The following ESR1 variants were observed in gnomAD, a reference collection of about 807,000 sequenced individuals.
ESR1 encodes the protein estrogen receptor 1.
ESR1 carries 12 observed loss-of-function variants against 52.7 expected under a neutral mutation model. The ratio of observed to expected loss-of-function variants is 0.23; its 90% CI spans 0.15 to 0.37. The LOEUF is 0.37. Among genes scored for constraint, ESR1 ranks in the 10% least tolerant of loss-of-function variants. The pLI, the probability that ESR1 is intolerant of heterozygous loss-of-function variation, is 1.00. For synonymous variants in ESR1, 305 were observed against 316.8 expected (o/e 0.96, Z 0.39); for missense variants, 584 against 779.7 (o/e 0.75, Z 2.99).
intron 1 of ESR1, among the ~76,000 whole-genome samples, chr6:151,830,030 A>G (rs1273631663): frequency 6.6e-6 from 1 of 152,234 alleles, no homozygotes; most frequent in Non-Finnish European, 1.5e-5. Context: ...ATGTGATGAC[A>G]TATTGGTCCT....
At chr6:151,776,221 A>T (rs943457490) in intron 2 of ESR1, among the ~76,000 whole-genome samples, 1 of 152,176 alleles carries the variant, frequency 6.6e-6, no homozygotes, top group Non-Finnish European at 1.5e-5. Flanking sequence ...GACTGGGGAC[A>T]TAGTGCCTGG....
chr6:151,810,026 G>A (rs990209417), intron 1 of ESR1, among the ~76,000 whole-genome samples: 2 of 152,046 alleles, frequency 1.3e-5, no homozygotes, highest in Non-Finnish European at 2.9e-5. Context: ...TTAATTTTCA[G>A]TTCTTTTATT....
intron 2 of ESR1, among the ~76,000 whole-genome samples, chr6:151,747,311 T>A (rs966698674): frequency 1.3e-5 from 2 of 152,198 alleles, no homozygotes; most frequent in African/African-American, 2.4e-5. Flanking sequence ...AATGAATGAA[T>A]CACTGAATAA....
chr6:151,861,393 A>G (rs1178022604), intron 2 of ESR1, among the ~76,000 whole-genome samples: 1 of 152,230 alleles, frequency 6.6e-6, no homozygotes. Context: ...TATCAAATTG[A>G]ATGCTTCTTG....
At chr6:151,929,871 T>C (rs2033326954) in intron 3 of ESR1, among the ~76,000 whole-genome samples, 1 of 152,190 alleles carries the variant, frequency 6.6e-6, no homozygotes, top group Admixed American at 6.5e-5. Flanking sequence ...TAAACCTGTG[T>C]TTATTAACTA....
At chr6:151,849,599 G>C (rs1052829116) in intron 2 of ESR1, among the ~76,000 whole-genome samples, 1 of 151,338 alleles carries the variant, frequency 6.6e-6, no homozygotes, top group Non-Finnish European at 1.5e-5. Context: ...AGCTGAGATC[G>C]CGACACTGCA....
chr6:151,794,286 G>A (rs191958144), intron 2 of ESR1, among the ~76,000 whole-genome samples: 1 of 152,202 alleles, frequency 6.6e-6, no homozygotes, highest in African/African-American at 2.4e-5. Flanking sequence ...TTCAGATCTA[G>A]TAGTTGTATT....
At chr6:151,864,422 A>G (rs1319751595) in intron 2 of ESR1, among the ~76,000 whole-genome samples, 1 of 152,206 alleles carries the variant, frequency 6.6e-6, no homozygotes, top group South Asian at 2.1e-4. Flanking sequence ...GGTGATCATT[A>G]GAAAGTCAGG....
chr6:152,044,622 G>A (rs139932096), intron 5 of ESR1, among the ~76,000 whole-genome samples: 126 of 152,334 alleles, frequency 8.3e-4, no homozygotes, highest in Non-Finnish European at 1.6e-3. Flanking sequence ...AACCACTGGT[G>A]TAGGTCTAAG....
At chr6:151,784,954 T>C (rs567993395) in intron 2 of ESR1, among the ~76,000 whole-genome samples, 186 of 152,312 alleles carry the variant, frequency 1.2e-3, no homozygotes, top group Admixed American at 1.8e-3. Flanking sequence ...TTTTCTTCTC[T>C]GGAAACTTCA....
At chr6:151,669,151 A>AGAGAGAGAGAGAGAGAGAGAGGGAGAG (rs1777942622) in intron 1 of ESR1, among the ~76,000 whole-genome samples, 1 of 111,176 alleles carries the variant, frequency 9.0e-6, no homozygotes, top group African/African-American at 3.4e-5. Context: ...GAGCTGGGAG[A>AGAGAGAGAGAGAGAGAGAGAGGGAGAG]GAGAGAGAGA....
At chr6:152,005,319 A>G (rs1204981976) in intron 4 of ESR1, among the ~76,000 whole-genome samples, 1 of 152,028 alleles carries the variant, frequency 6.6e-6, no homozygotes, top group East Asian at 1.9e-4. Context: ...TTAAATCATG[A>G]AAAATGTTGT....
At chr6:151,687,642 C>A (rs1225741887), upstream of ESR1, among the ~76,000 whole-genome samples, 1 of 152,180 alleles carries the variant, frequency 6.6e-6, no homozygotes, top group African/African-American at 2.4e-5. Context: ...AGACAGATTG[C>A]ATCCATTTTC....
At chr6:152,115,556 T>G (rs1473682924) in intron 6 of ESR1, among the ~76,000 whole-genome samples, 2 of 152,264 alleles carry the variant, frequency 1.3e-5, no homozygotes, top group East Asian at 1.9e-4. Context: ...GTAGACTAAC[T>G]AGAATCTACC....
At chr6:151,775,520 G>T (rs1394780598) in intron 2 of ESR1, among the ~76,000 whole-genome samples, 3 of 152,044 alleles carry the variant, frequency 2.0e-5, no homozygotes, top group Non-Finnish European at 2.9e-5. Context: ...AGCCGAAGCG[G>T]GCGGATCACA....
chr6:152,040,183 G>A (rs890290685), intron 5 of ESR1, among the ~76,000 whole-genome samples: 1 of 152,184 alleles, frequency 6.6e-6, no homozygotes, highest in African/African-American at 2.4e-5. Flanking sequence ...GGCAAATTGG[G>A]CACTCAGTTG....
At chr6:151,982,579 G>T (rs60023567) in intron 4 of ESR1, among the ~76,000 whole-genome samples, 2 of 151,266 alleles carry the variant, frequency 1.3e-5, no homozygotes, top group Non-Finnish European at 2.9e-5. Flanking sequence ...CCGCCTCCCG[G>T]GTTCAAGCCA....
chr6:152,014,628 C>T (rs1023129410), intron 5 of ESR1, among the ~76,000 whole-genome samples: 26 of 152,118 alleles, frequency 1.7e-4, no homozygotes, highest in African/African-American at 6.3e-4. Context: ...ACCAAATTAT[C>T]CAGTTAACTA....
At chr6:152,089,676 C>T (rs897645998) in intron 6 of ESR1, among the ~76,000 whole-genome samples, 2 of 151,986 alleles carry the variant, frequency 1.3e-5, no homozygotes, top group Admixed American at 1.3e-4. Context: ...CCTCCCAGGT[C>T]CAAGTGATTC....
Sources: allele counts gnomAD v4.1 joint callset (sites outside exome capture counted in the v4.1 genomes callset), GRCh38; gene constraint gnomAD v4.1.1; transcripts MANE v1.5; gene names NCBI Gene and HGNC (gene_info 2026-07-23, HGNC 2026-07-21).